The following RBFOX1 variants were observed in gnomAD, a reference collection of about 807,000 sequenced individuals.
RBFOX1 encodes the protein RNA binding fox-1 homolog 1.
A neutral mutation model predicts 57.7 loss-of-function variants in RBFOX1; 8 were observed. The ratio of observed to expected loss-of-function variants is 0.14; its 90% CI spans 0.08 to 0.25. The LOEUF (loss-of-function observed/expected upper bound fraction) is 0.25, where lower values mean the gene tolerates loss of function less well. RBFOX1 is among the 10% of genes least tolerant of loss of function. RBFOX1 has a pLI of 1.00. For synonymous variants in RBFOX1, 326 were observed against 222.4 expected (o/e 1.47, Z -4.15); for missense variants, 611 against 548.5 (o/e 1.11, Z -1.14).
At chr16:6,969,316 C>T (rs1050042632) in intron 3 of RBFOX1, among the ~76,000 whole-genome samples, 4 of 152,088 alleles carry the variant, frequency 2.6e-5, no homozygotes, top group African/African-American at 9.7e-5. Flanking sequence ...AGTGCGGGGT[C>T]AGGATTAGGG....
chr16:5,388,874 G>C (rs954098537), intron 1 of RBFOX1, among the ~76,000 whole-genome samples: 4 of 151,124 alleles, frequency 2.6e-5, no homozygotes, highest in Admixed American at 1.3e-4. Flanking sequence ...ACCGCGCCTT[G>C]CCAGAAGTGT....
chr16:6,716,619 G>A (rs1296643321), intron 3 of RBFOX1, among the ~76,000 whole-genome samples: 2 of 152,164 alleles, frequency 1.3e-5, no homozygotes. Flanking sequence ...CTTACAGACA[G>A]GACTAACACT....
chr16:7,680,294 C>T (rs1396931277), intron 14 of RBFOX1, among the ~76,000 whole-genome samples: 2 of 152,218 alleles, frequency 1.3e-5, no homozygotes, highest in Admixed American at 6.5e-5. Context: ...GGAAAAGATT[C>T]CCTGTTTGAT....
At chr16:5,764,079 A>G (rs969416260) in intron 3 of RBFOX1, among the ~76,000 whole-genome samples, 1 of 152,174 alleles carries the variant, frequency 6.6e-6, no homozygotes, top group Non-Finnish European at 1.5e-5. Flanking sequence ...ATAAATACTT[A>G]ACTAATGAAT....
chr16:5,681,240 A>ATT (rs71404546), intron 3 of RBFOX1, among the ~76,000 whole-genome samples: 2 of 134,608 alleles, frequency 1.5e-5, no homozygotes, highest in Admixed American at 7.4e-5. Flanking sequence ...TGCCTGGCTA[A>ATT]TTTTTTTTTT....
intron 4 of RBFOX1, among the ~76,000 whole-genome samples, chr16:7,303,555 G>GT (rs1458161167): frequency 2.0e-5 from 3 of 150,202 alleles, no homozygotes; most frequent in Non-Finnish European, 3.0e-5. Context: ...TTTGGTGAGT[G>GT]TTTTTTTGAA....
At chr16:5,970,683 T>G (rs145469243) in intron 4 of RBFOX1, among the ~76,000 whole-genome samples, 427 of 152,334 alleles carry the variant, frequency 2.8e-3, no homozygotes, top group African/African-American at 9.5e-3. Flanking sequence ...ACCTGAGTCA[T>G]GAATATGGAG....
chr16:7,576,650 G>A (rs145256746), intron 5 of RBFOX1, among the ~76,000 whole-genome samples: 7 of 152,206 alleles, frequency 4.6e-5, no homozygotes, highest in Admixed American at 4.6e-4. Flanking sequence ...CCAAAGTGCT[G>A]TTTGACTAGA....
rs944823812 is a variant in RBFOX1 at position 5,584,014 on chromosome 16, C to G, written c.259-14888C>G. Among the ~76,000 whole-genome samples, 5 of 152,148 alleles carry G rather than the reference C, an allele frequency of 3.3e-5. No homozygotes were observed. In the East Asian group the frequency reaches 9.7e-4, roughly 29 times the overall value. ...TCCACCGAGTCTGGGTCACATCCCT[C>G]TAATCAGCCTGCCTAGTACCCCGTG... On this transcript the variant is annotated intron_variant, in intron 2 of 2. Coordinates refer to the RBFOX1 transcript ENST00000585867.
At chr16:5,732,873 C>T (rs1362252819) in intron 3 of RBFOX1, among the ~76,000 whole-genome samples, 2 of 151,974 alleles carry the variant, frequency 1.3e-5, no homozygotes, top group East Asian at 1.9e-4. Context: ...TGCAAAGACC[C>T]CAAAAGGAAA....
intron 1 of RBFOX1, among the ~76,000 whole-genome samples, chr16:6,303,738 G>A (rs994877311): frequency 2.6e-5 from 4 of 151,762 alleles, no homozygotes; most frequent in Admixed American, 6.6e-5. Flanking sequence ...CACTTTGGGA[G>A]GCCGAGGAGG....
intron 1 of RBFOX1, among the ~76,000 whole-genome samples, chr16:5,404,272 C>A: frequency 6.6e-6 from 1 of 152,128 alleles, no homozygotes; most frequent in Admixed American, 6.5e-5. Context: ...AATACAATTG[C>A]ACGTGTACCC....
intron 3 of RBFOX1, among the ~76,000 whole-genome samples, chr16:6,831,917 T>A (rs1385118163): frequency 2.0e-5 from 3 of 152,162 alleles, no homozygotes; most frequent in African/African-American, 7.2e-5. Context: ...ACGAAGAACT[T>A]ACAGTTCTCT....
chr16:7,475,855 G>C (rs1393391466), intron 4 of RBFOX1, among the ~76,000 whole-genome samples: 2 of 152,224 alleles, frequency 1.3e-5, no homozygotes, highest in African/African-American at 4.8e-5. Flanking sequence ...TTGTGAGGTA[G>C]CATTTATTTG....
chr16:7,597,249 A>C, intron 8 of RBFOX1, 122 bp from the exon 9 acceptor site: 1 of 631,174 alleles, frequency 1.6e-6, no homozygotes, highest in Non-Finnish European at 2.7e-6. Context: ...TTTATAAATT[A>C]AAATGCATTT....
At chr16:6,865,186 A>G (rs1241083358) in intron 3 of RBFOX1, among the ~76,000 whole-genome samples, 8 of 151,810 alleles carry the variant, frequency 5.3e-5, no homozygotes, top group Non-Finnish European at 1.2e-4. Flanking sequence ...TACTTTTAGT[A>G]GAGATGGGGT....
At chr16:6,767,947 TAAGAAGAAG>T (rs71145291) in intron 3 of RBFOX1, among the ~76,000 whole-genome samples, 1,330 of 100,952 alleles carry the variant, frequency 0.013, 12 homozygotes, top group East Asian at 0.03. Context: ...ATAATAATAA[TAAGAAGAAG>T]AAGAAGAAGA....
intron 4 of RBFOX1, among the ~76,000 whole-genome samples, chr16:5,981,751 G>T (rs750579001): frequency 1.3e-5 from 2 of 152,168 alleles, no homozygotes; most frequent in South Asian, 4.1e-4. Context: ...TTGTAGGTGT[G>T]AGCCGCTGTG....
At chr16:7,000,573 T>C (rs1425128625) in intron 3 of RBFOX1, among the ~76,000 whole-genome samples, 1 of 140,864 alleles carries the variant, frequency 7.1e-6, no homozygotes, top group Non-Finnish European at 1.5e-5. Context: ...AGTTTTCTTT[T>C]CTTTTTTTCT....
Sources: allele counts gnomAD v4.1 joint callset (sites outside exome capture counted in the v4.1 genomes callset), GRCh38; gene constraint gnomAD v4.1.1; transcripts MANE v1.5; gene names NCBI Gene and HGNC (gene_info 2026-07-23, HGNC 2026-07-21).